The following CEP192 variants were observed in gnomAD, a reference collection of about 807,000 sequenced individuals.
CEP192 encodes centrosomal protein of 192 kDa.
A neutral mutation model predicts 271.8 loss-of-function variants in CEP192; 151 were observed. The observed-to-expected ratio is 0.56, with a 90% CI of 0.49 to 0.64. The LOEUF (loss-of-function observed/expected upper bound fraction) is 0.64, where lower values mean the gene tolerates loss of function less well. Among genes scored for constraint, CEP192 ranks in the 30% least tolerant of loss-of-function variants. CEP192 has a pLI of 0.00. For missense variants in CEP192, 2,910 were observed against 3,020.5 expected, an observed-to-expected ratio of 0.96 and a Z score of 0.86; for synonymous variants, 995 against 1,076.5, an observed-to-expected ratio of 0.92 and a Z score of 1.48.
intron 30 of CEP192, among the ~76,000 whole-genome samples, chr18:13,086,446 C>T (rs1310720017): frequency 6.6e-6 from 1 of 152,182 alleles, no homozygotes; most frequent in Non-Finnish European, 1.5e-5. Context: ...AGAGGGCATC[C>T]AACCCCTTGC....
intron 13 of CEP192, among the ~76,000 whole-genome samples, chr18:13,040,571 CTGT>C (rs2036148111): frequency 6.6e-6 from 1 of 152,094 alleles, no homozygotes; most frequent in African/African-American, 2.4e-5. Flanking sequence ...GGCCTCATTT[CTGT>C]TGTTTTAATT....
At chr18:13,065,741 A>G (rs1421918794) in intron 21 of CEP192, among the ~76,000 whole-genome samples, 1 of 152,234 alleles carries the variant, frequency 6.6e-6, no homozygotes, top group African/African-American at 2.4e-5. Context: ...CAAGACAGGC[A>G]GAAAAAAGTT....
At position 13,024,037 on chromosome 18, in the gene CEP192, T is replaced by C. The variant is rs555289554; in HGVS notation, c.1050+4831T>C. Among the ~76,000 whole-genome samples the C allele has an allele frequency of 8.9e-4, 136 of 152,298 alleles. 2 individuals carry two copies. The South Asian group carries it at 0.026, about 29-fold the overall frequency. On this transcript the variant is annotated intron_variant, in intron 9 of 44. Coordinates refer to ENST00000506447, the MANE Select transcript of CEP192 (RefSeq NM_032142.4). ...TGATTGTTAGTGTTGAGTTCAACTG[T>C]GTTGTTATTGAATTTCTTCTCGCTG...
chr18:13,103,420 C>T (rs2039806921), intron 38 of CEP192, 89 bp from the exon 39 acceptor site: 3 of 961,498 alleles, frequency 3.1e-6, no homozygotes, highest in Non-Finnish European at 1.7e-6. Flanking sequence ...GTTTTTTAAC[C>T]CCAGTATGAG....
chr18:13,098,780 C>T (rs1598598640), intron 36 of CEP192, among the ~76,000 whole-genome samples: 1 of 152,144 alleles, frequency 6.6e-6, no homozygotes. Flanking sequence ...GACGGGGTGG[C>T]GGCCGGGCAG....
At chr18:13,030,700 C>T (rs2035570421) in intron 11 of CEP192, 92 bp downstream of exon 11, 1 of 931,420 alleles carries the variant, frequency 1.1e-6, no homozygotes, top group Admixed American at 2.3e-5. Flanking sequence ...CACATCAGAT[C>T]CCTTCTGGAC....
chr18:12,999,145 C>A (rs1301212217), intron 1 of CEP192, among the ~76,000 whole-genome samples: 1 of 152,088 alleles, frequency 6.6e-6, no homozygotes, highest in African/African-American at 2.4e-5. Context: ...TTCCTAGCTA[C>A]ACCAAGCAAA....
At chr18:13,067,591 T>C (rs1278537645) in intron 21 of CEP192, among the ~76,000 whole-genome samples, 6 of 152,234 alleles carry the variant, frequency 3.9e-5, no homozygotes, top group African/African-American at 1.2e-4. Context: ...ATACAGTCTT[T>C]TCAAAGTAAC....
At chr18:13,099,347 G>C in intron 36 of CEP192, 129 bp from the exon 37 acceptor site, 1 of 585,490 alleles carries the variant, frequency 1.7e-6, no homozygotes, top group South Asian at 2.3e-5. Context: ...ATGGGAGTGA[G>C]CTCTGTTCTC....
chr18:13,107,072 G>A (rs2039991032), intron 40 of CEP192, among the ~76,000 whole-genome samples: 1 of 151,568 alleles, frequency 6.6e-6, no homozygotes, highest in African/African-American at 2.4e-5. Context: ...CAGATGTTAT[G>A]TGTGTGTGTG....
Position 13,056,350 on chromosome 18 carries a change from C to T in CEP192, c.3760C>T (p.Pro1254Ser). Reference protein sequence around the residue: ...PAAVHALLTQPSLSAAPFAQR... With the variant: ...PAAVHALLTQSSLSAAPFAQR... ...TGCTGTGCACGCACTCTTGACACAA[C>T]CCTCTCTCAGCGCTGCTCCTTTTGC... Residue 1254 changes from proline (P) to serine (S), a missense_variant, in exon 19 of 45, where the codon CCC becomes TCC. Pro to Ser is a moderately conservative substitution (Grantham distance 74). Transcript: ENST00000506447. 6.2e-7 allele frequency: 1 copy of T among 1,614,232 alleles called. No individual in the cohort carries two copies. Among genetic ancestry groups the T allele is most frequent in the Non-Finnish European group, 8.5e-7 (1 of 1,180,044 alleles).
At chr18:13,086,715 TAATC>T (rs1312995186) in intron 30 of CEP192, among the ~76,000 whole-genome samples, 9 of 152,230 alleles carry the variant, frequency 5.9e-5, no homozygotes, top group South Asian at 4.1e-4. Flanking sequence ...ATAAACTTCT[TAATC>T]AAGCATATCT....
At chr18:13,051,425 T>G (rs987619532) in intron 17 of CEP192, among the ~76,000 whole-genome samples, 2 of 152,156 alleles carry the variant, frequency 1.3e-5, no homozygotes, top group Non-Finnish European at 2.9e-5. Flanking sequence ...CCATGTAGGT[T>G]CATGTCATGC....
intron 44 of CEP192, among the ~76,000 whole-genome samples, chr18:13,119,694 A>C (rs2040579790): frequency 6.6e-6 from 1 of 152,198 alleles, no homozygotes; most frequent in Admixed American, 6.5e-5. Context: ...AGCTGAGATC[A>C]CACCACTGTA....
At chr18:13,112,852 T>C (rs984094038) in intron 40 of CEP192, among the ~76,000 whole-genome samples, 1 of 152,254 alleles carries the variant, frequency 6.6e-6, no homozygotes, top group African/African-American at 2.4e-5. Flanking sequence ...GAATACTGAT[T>C]TGTTGTTAAC....
intron 3 of CEP192, among the ~76,000 whole-genome samples, chr18:13,003,818 G>T (rs1041854732): frequency 6.6e-6 from 1 of 152,120 alleles, no homozygotes; most frequent in Admixed American, 6.5e-5. Context: ...GCCCACTCTC[G>T]CGGTTATGTG....
chr18:13,076,886 C>T (rs745867871), intron 30 of CEP192, among the ~76,000 whole-genome samples: 6 of 152,056 alleles, frequency 3.9e-5, no homozygotes, highest in African/African-American at 7.2e-5. Flanking sequence ...CAGGTTCAAG[C>T]GATTCTCCTG....
intron 35 of CEP192, 144 bp from the exon 36 acceptor site, chr18:13,096,040 G>C: frequency 1.2e-6 from 1 of 837,404 alleles, no homozygotes; most frequent in Non-Finnish European, 1.8e-6. Context: ...TACTACCAAG[G>C]ATTGGAAATT....
rs370179407 is a variant in CEP192 at position 13,003,873 on chromosome 18, TTGTC to T, written c.290+2294_290+2297del. ...CGAGAGTGGGAGCAGCATGGGCACA[TTGTC>T]TGGGAGTGAGGCAGATGGAAGAGAG... On this transcript the variant is annotated intron_variant, in intron 3 of 44. Transcript: ENST00000506447. 5.9e-3 allele frequency among the ~76,000 whole-genome samples: 903 copies of T among 152,068 alleles called. 14 individuals are homozygous for T. Among genetic ancestry groups the T allele is most frequent in the African/African-American group, 0.021 (866 of 41,456 alleles).
Sources: allele counts gnomAD v4.1 joint callset (sites outside exome capture counted in the v4.1 genomes callset), GRCh38; gene constraint gnomAD v4.1.1; transcripts MANE v1.5; gene names NCBI Gene and HGNC (gene_info 2026-07-23, HGNC 2026-07-21).